NKAIN2: variants seen among roughly 807,000 people sequenced by gnomAD.
NKAIN2 encodes the protein sodium/potassium-transporting ATPase subunit beta-1-interacting protein 2.
A neutral mutation model predicts 32.6 loss-of-function variants in NKAIN2; 14 were observed. That is an observed-to-expected ratio of 0.43 (90% CI 0.28 to 0.67). The LOEUF (loss-of-function observed/expected upper bound fraction) is 0.67. Among genes scored for constraint, NKAIN2 ranks in the 30% least tolerant of loss-of-function variants. The probability of loss-of-function intolerance (pLI) is 0.17; values close to 1 mark genes in which losing one functional copy is unlikely to be tolerated. For missense variants in NKAIN2, 198 were observed against 258.3 expected, an observed-to-expected ratio of 0.77 and a Z score of 1.60; for synonymous variants, 80 against 87.2, an observed-to-expected ratio of 0.92 and a Z score of 0.46.
chr6:124,380,243 A>G (rs563130481), intron 3 of NKAIN2, among the ~76,000 whole-genome samples: 37 of 152,254 alleles, frequency 2.4e-4, no homozygotes, highest in African/African-American at 8.4e-4. Flanking sequence ...GGATTTCCTT[A>G]AGAAGTAACT....
chr6:123,884,479 C>A (rs566606891), intron 1 of NKAIN2, among the ~76,000 whole-genome samples: 1 of 152,048 alleles, frequency 6.6e-6, no homozygotes, highest in Non-Finnish European at 1.5e-5. Context: ...AAGCTCTCTG[C>A]GTATGTGGGT....
At chr6:124,257,961 A>C (rs1265349306) in intron 1 of NKAIN2, among the ~76,000 whole-genome samples, 1 of 151,364 alleles carries the variant, frequency 6.6e-6, no homozygotes, top group African/African-American at 2.4e-5. Context: ...TTGTATTTTT[A>C]GTAGAGACGG....
At chr6:124,707,175 A>C (rs1220657518) in intron 4 of NKAIN2, among the ~76,000 whole-genome samples, 1 of 152,066 alleles carries the variant, frequency 6.6e-6, no homozygotes, top group Admixed American at 6.6e-5. Flanking sequence ...TGAACTCATC[A>C]TATTTTATGG....
Position 124,283,056 on chromosome 6 carries a change from C to T in NKAIN2, c.106C>T (p.Pro36Ser), listed in dbSNP as rs1395717411. 2 of 1,612,436 alleles carry T rather than the reference C, an allele frequency of 1.2e-6. No individual in the cohort carries two copies. Among genetic ancestry groups the T allele is most frequent in the Admixed American group, 3.3e-5 (2 of 60,014 alleles). ...IFDFLGYQWA[P>S]ILANFVHIII... ...TGACTTCCTTGGATATCAGTGGGCA[C>T]CTATCCTGGCAAATTTTGTACATAT... The change falls in exon 2 of 7, where the codon CCT becomes TCT. Residue 36 changes from proline (P) to serine (S), a missense_variant. Physicochemically the swap from Pro to Ser is moderately conservative, Grantham distance 74. Coordinates refer to ENST00000368417, the MANE Select transcript of NKAIN2 (RefSeq NM_001040214.3).
chr6:124,726,119 C>G (rs1371430433), intron 4 of NKAIN2, among the ~76,000 whole-genome samples: 3 of 152,166 alleles, frequency 2.0e-5, no homozygotes, highest in Non-Finnish European at 2.9e-5. Flanking sequence ...AAGGCGGCAG[C>G]GAGCCTGGGG....
chr6:124,028,314 G>A lies in NKAIN2; in HGVS notation c.54+224060G>A, dbSNP rs555640898. Among the ~76,000 whole-genome samples, 337 of 148,908 alleles carry A rather than the reference G, an allele frequency of 2.3e-3. 1 individual carries two copies. The highest frequency in any genetic ancestry group is 7.1e-3 in the African/African-American group (290 of 40,646). On this transcript the variant is annotated intron_variant, in intron 1 of 6. Transcript: ENST00000368417. Reference sequence around the variant, plus strand: ...CTAATTTTAGAATCTAACTCTGAATGAGGAGTGAAATGCAACTTGATCCAT... The same window carrying A: ...CTAATTTTAGAATCTAACTCTGAATAAGGAGTGAAATGCAACTTGATCCAT...
intron 1 of NKAIN2, among the ~76,000 whole-genome samples, chr6:123,882,262 T>G (rs1298790503): frequency 6.6e-6 from 1 of 152,042 alleles, no homozygotes; most frequent in Non-Finnish European, 1.5e-5. Context: ...TTCAGGGACT[T>G]TGGCCATTAA....
At chr6:124,441,961 C>A (rs1775707310) in intron 3 of NKAIN2, among the ~76,000 whole-genome samples, 1 of 151,868 alleles carries the variant, frequency 6.6e-6, no homozygotes, top group African/African-American at 2.4e-5. Flanking sequence ...GTAAATGGGC[C>A]CATGTACATT....
chr6:124,813,147 A>G (rs1052845987), intron 5 of NKAIN2, among the ~76,000 whole-genome samples: 1 of 152,198 alleles, frequency 6.6e-6, no homozygotes, highest in Non-Finnish European at 1.5e-5. Flanking sequence ...CATGAAGCAC[A>G]TGAACTAAAT....
chr6:123,929,718 A>G (rs527708432), intron 1 of NKAIN2, among the ~76,000 whole-genome samples: 5 of 152,198 alleles, frequency 3.3e-5, no homozygotes, highest in South Asian at 4.1e-4. Context: ...GTAGTTCTCA[A>G]TCTTTGGGGT....
chr6:124,027,491 T>G (rs181228024), intron 1 of NKAIN2, among the ~76,000 whole-genome samples: 72 of 152,314 alleles, frequency 4.7e-4, no homozygotes, highest in Admixed American at 8.5e-4. Flanking sequence ...ATCCCCTGCC[T>G]TAGCCCTTTC....
At chr6:124,587,099 G>A (rs1781738042) in intron 3 of NKAIN2, among the ~76,000 whole-genome samples, 2 of 152,132 alleles carry the variant, frequency 1.3e-5, no homozygotes. Flanking sequence ...ATTAACTTGA[G>A]TACCACATGC....
intron 1 of NKAIN2, among the ~76,000 whole-genome samples, chr6:123,905,457 A>G (rs961785619): frequency 6.6e-6 from 1 of 152,104 alleles, no homozygotes; most frequent in Non-Finnish European, 1.5e-5. Context: ...TGCCCCTACC[A>G]TCTGTTTCCA....
At chr6:124,522,359 G>C (rs1265360572) in intron 3 of NKAIN2, among the ~76,000 whole-genome samples, 1 of 152,136 alleles carries the variant, frequency 6.6e-6, no homozygotes, top group Non-Finnish European at 1.5e-5. Context: ...TACACATCAT[G>C]ATATTTGGTG....
At chr6:124,362,390 T>C (rs1411328645) in intron 3 of NKAIN2, among the ~76,000 whole-genome samples, 2 of 152,138 alleles carry the variant, frequency 1.3e-5, no homozygotes, top group African/African-American at 4.8e-5. Context: ...TCAGTCACAA[T>C]CTCTCTTCTC....
chr6:124,773,150 A>G (rs1778835744), intron 4 of NKAIN2, among the ~76,000 whole-genome samples: 1 of 152,144 alleles, frequency 6.6e-6, no homozygotes, highest in South Asian at 2.1e-4. Flanking sequence ...GGACTTAGTA[A>G]CCTGAATGTC....
At position 124,228,878 on chromosome 6, in the gene NKAIN2, TA is replaced by T. The variant is rs1203736691; in HGVS notation, c.55-54123del. 2.0e-5 allele frequency among the ~76,000 whole-genome samples: 3 copies of T among 152,242 alleles called. No individual in the cohort carries two copies. In the East Asian group the frequency reaches 5.8e-4, roughly 29 times the overall value. ...ATACTTTCAATAGAAATAGGAAATT[TA>T]AAACATAGTGCCTATGTTTTAATTG... On this transcript the variant is annotated intron_variant, in intron 1 of 6. Transcript: ENST00000368417.
chr6:124,738,716 T>G (rs1777066386), intron 4 of NKAIN2, among the ~76,000 whole-genome samples: 1 of 151,834 alleles, frequency 6.6e-6, no homozygotes, highest in Non-Finnish European at 1.5e-5. Flanking sequence ...CCAGAAGACC[T>G]TGGCTGGGTT....
chr6:124,257,042 G>A (rs1793980642), intron 1 of NKAIN2, among the ~76,000 whole-genome samples: 1 of 151,668 alleles, frequency 6.6e-6, no homozygotes, highest in South Asian at 2.1e-4. Flanking sequence ...GTCACTGACT[G>A]GGTTTTGTTT....
Sources: allele counts gnomAD v4.1 joint callset (sites outside exome capture counted in the v4.1 genomes callset), GRCh38; gene constraint gnomAD v4.1.1; transcripts MANE v1.5; gene names NCBI Gene and HGNC (gene_info 2026-07-23, HGNC 2026-07-21).